Variants in SGK3 observed in about 807,000 individuals in gnomAD.
The protein encoded by SGK3 is serum/glucocorticoid regulated kinase family member 3.
A neutral mutation model predicts 68.5 loss-of-function variants in SGK3; 47 were observed. That is an observed-to-expected ratio of 0.69 (90% CI 0.54 to 0.87). The LOEUF is 0.87. SGK3 is among the 40% of genes least tolerant of loss of function. The pLI is 0.00. For missense variants in SGK3, 479 were observed against 575.5 expected, an observed-to-expected ratio of 0.83 and a Z score of 1.72; for synonymous variants, 181 against 189.1, an observed-to-expected ratio of 0.96 and a Z score of 0.35.
chr8:66,777,345 G>A (rs1010040393), intron 1 of SGK3, among the ~76,000 whole-genome samples: 4 of 152,200 alleles, frequency 2.6e-5, no homozygotes, highest in Non-Finnish European at 5.9e-5. Flanking sequence ...TGTGTTCACT[G>A]TTGTATCCTA....
chr8:66,757,328 A>G (rs1806009196), intron 1 of SGK3, among the ~76,000 whole-genome samples: 3 of 151,492 alleles, frequency 2.0e-5, no homozygotes, highest in Admixed American at 2.0e-4. Flanking sequence ...GAGACTCAAA[A>G]AGTTCTCACC....
intron 5 of SGK3, among the ~76,000 whole-genome samples, chr8:66,821,519 T>A (rs1046815694): frequency 5.3e-4 from 78 of 148,412 alleles, no homozygotes; most frequent in Non-Finnish European, 8.4e-4. Context: ...TGCACATAAT[T>A]TTTTTTTTTT....
chr8:66,742,341 CAT>C (rs979304405), intron 1 of SGK3, among the ~76,000 whole-genome samples: 14 of 152,196 alleles, frequency 9.2e-5, no homozygotes, highest in African/African-American at 3.1e-4. Context: ...TTTCTAGTCA[CAT>C]GTTATATATT....
intron 15 of SGK3, among the ~76,000 whole-genome samples, chr8:66,850,548 C>T (rs1210158967): frequency 1.3e-5 from 2 of 152,136 alleles, no homozygotes; most frequent in South Asian, 4.1e-4. Context: ...CATACTTCCC[C>T]TGAAGTATTA....
intron 1 of SGK3, among the ~76,000 whole-genome samples, chr8:66,745,899 T>A (rs775480131): frequency 5.8e-4 from 88 of 152,134 alleles, no homozygotes; most frequent in Non-Finnish European, 8.8e-4. Context: ...GCCCTTTTTT[T>A]AGTGGCAGTA....
chr8:66,819,532 C>T (rs1049721118), intron 5 of SGK3, among the ~76,000 whole-genome samples: 1 of 152,030 alleles, frequency 6.6e-6, no homozygotes, highest in Non-Finnish European at 1.5e-5. Context: ...ATGTATCTAT[C>T]AAAAGTGATT....
In SGK3 at chr8:66,804,520, G is replaced by T. The variant is rs553461098; in HGVS notation, c.253+73G>T. ...GAAGAAGTAAATTAATGTATTCATTGCACTGTATAGCAGTGCAGGACTTTA... is the reference window on the plus strand; with the variant it reads ...GAAGAAGTAAATTAATGTATTCATTTCACTGTATAGCAGTGCAGGACTTTA... On this transcript the variant is annotated intron_variant, in intron 4 of 16. Coordinates refer to ENST00000521198, the MANE Select transcript of SGK3 (RefSeq NM_001033578.3). 1.1e-5 allele frequency: 16 copies of T among 1,474,122 alleles called. No individual in the cohort carries two copies. In the South Asian group the frequency reaches 1.8e-4, roughly 16 times the overall value. The allele number at this position is 1,474,122 out of a possible 1,614,324, so 91.3% of individuals were successfully genotyped here.
At chr8:66,820,807 G>A (rs758939743) in intron 5 of SGK3, among the ~76,000 whole-genome samples, 1 of 152,144 alleles carries the variant, frequency 6.6e-6, no homozygotes, top group Non-Finnish European at 1.5e-5. Context: ...GGGCTCTAGT[G>A]ATTCCCCTGC....
At chr8:66,817,447 AC>A (rs1455733669) in intron 5 of SGK3, among the ~76,000 whole-genome samples, 1 of 150,986 alleles carries the variant, frequency 6.6e-6, no homozygotes, top group Admixed American at 6.6e-5. Flanking sequence ...AAACAAAAAA[AC>A]AAACGGAGTT....
At chr8:66,771,816 G>A (rs551634570) in intron 1 of SGK3, among the ~76,000 whole-genome samples, 1 of 152,020 alleles carries the variant, frequency 6.6e-6, no homozygotes, top group South Asian at 2.1e-4. Context: ...TGGGCAATGA[G>A]GTGAAGAAGA....
chr8:66,750,476 C>G (rs1267759139), intron 1 of SGK3, among the ~76,000 whole-genome samples: 1 of 152,014 alleles, frequency 6.6e-6, no homozygotes, highest in Non-Finnish European at 1.5e-5. Flanking sequence ...AATATGTAAA[C>G]AGGCAATTGC....
chr8:66,729,345 A>G (rs1296666787), intron 1 of SGK3, among the ~76,000 whole-genome samples: 1 of 151,474 alleles, frequency 6.6e-6, no homozygotes, highest in Non-Finnish European at 1.5e-5. Context: ...AGTCCCAGCT[A>G]CTCGGGAGGC....
At chr8:66,800,139 A>T (rs1460588156) in intron 3 of SGK3, among the ~76,000 whole-genome samples, 2 of 152,020 alleles carry the variant, frequency 1.3e-5, no homozygotes, top group East Asian at 3.9e-4. Flanking sequence ...CAGGAGATCG[A>T]GACCATCCTG....
chr8:66,773,610 G>A (rs1428439063), intron 1 of SGK3, among the ~76,000 whole-genome samples: 1 of 152,124 alleles, frequency 6.6e-6, no homozygotes, highest in African/African-American at 2.4e-5. Context: ...CACGACTCTT[G>A]CACTTTGGGG....
chr8:66,808,857 ATTAT>A (rs548715835), intron 4 of SGK3, among the ~76,000 whole-genome samples: 25 of 150,568 alleles, frequency 1.7e-4, no homozygotes, highest in East Asian at 7.8e-4. Context: ...GTTTGAAATA[ATTAT>A]TTATTTATTT....
chr8:66,766,041 G>A (rs1394197087), intron 1 of SGK3, among the ~76,000 whole-genome samples: 2 of 151,016 alleles, frequency 1.3e-5, no homozygotes, highest in African/African-American at 2.4e-5. Flanking sequence ...AAAAAAAATT[G>A]GATTTTTCCA....
At chr8:66,855,544 C>G (rs2130759190) in intron 16 of SGK3, among the ~76,000 whole-genome samples, 1 of 152,272 alleles carries the variant, frequency 6.6e-6, no homozygotes, top group East Asian at 1.9e-4. Flanking sequence ...GAAGTGAGCA[C>G]TGACCACATA....
intron 6 of SGK3, among the ~76,000 whole-genome samples, chr8:66,827,450 A>T (rs1189672779): frequency 6.6e-6 from 1 of 150,918 alleles, no homozygotes; most frequent in African/African-American, 2.4e-5. Context: ...GCTTTTTTAT[A>T]TTTATAGCTT....
chr8:66,752,908 G>T (rs1162507820), intron 1 of SGK3, among the ~76,000 whole-genome samples: 1 of 152,004 alleles, frequency 6.6e-6, no homozygotes, highest in African/African-American at 2.4e-5. Context: ...GAGTACAGTG[G>T]CATGATCATG....
Sources: allele counts gnomAD v4.1 joint callset (sites outside exome capture counted in the v4.1 genomes callset), GRCh38; gene constraint gnomAD v4.1.1; transcripts MANE v1.5; gene names NCBI Gene and HGNC (gene_info 2026-07-23, HGNC 2026-07-21).